ZNF487: variants seen among roughly 807,000 people sequenced by gnomAD.
ZNF487 encodes the protein KRAB domain only 1.
ZNF487 carries 4 observed loss-of-function variants against 3.0 expected under a neutral mutation model. That is an observed-to-expected ratio of 1.35 (90% confidence interval 0.66 to 3.08). The LOEUF (loss-of-function observed/expected upper bound fraction) is 3.08, where lower values mean the gene tolerates loss of function less well. Ranked by LOEUF, ZNF487 falls within the 30% of genes most tolerant of loss-of-function variation. The probability of loss-of-function intolerance (pLI) is 0.01; values close to 1 mark genes in which losing one functional copy is unlikely to be tolerated. For synonymous variants in ZNF487, 55 were observed against 34.6 expected, an observed-to-expected ratio of 1.59 and a Z score of -2.06; for missense variants, 146 against 98.7, an observed-to-expected ratio of 1.48 and a Z score of -2.03.
chr10:43,457,580 AAAG>A lies in ZNF487; in HGVS notation c.-93-18138_-93-18136del, dbSNP rs1404388369. Among the ~76,000 whole-genome samples the A allele has an allele frequency of 8.6e-5, 13 of 151,046 alleles. No individual in the cohort carries two copies. In the East Asian group the frequency reaches 2.4e-3, roughly 28 times the overall value. ...GGGGAAAAAAAAAAAAAAAAAAGAAAAAGAAAAGAATTCCTCATGAGATCGCTT... is the reference window on the plus strand; with the variant it reads ...GGGGAAAAAAAAAAAAAAAAAAGAAAAAAAGAATTCCTCATGAGATCGCTT... On this transcript the variant is annotated intron_variant, in intron 1 of 3. Transcript: ENST00000437590.
chr10:43,473,788 G>T (rs1840992357), intron 1 of ZNF487, among the ~76,000 whole-genome samples: 1 of 152,156 alleles, frequency 6.6e-6, no homozygotes, highest in South Asian at 2.1e-4. Context: ...ACTTTGGGAG[G>T]CTTGAGGTGG....
the ZNF487 span, among the ~76,000 whole-genome samples, chr10:43,509,066 C>T: frequency 7.0e-6 from 1 of 143,326 alleles, no homozygotes; most frequent in African/African-American, 2.6e-5. Flanking sequence ...TGGTGGTGCA[C>T]ACCTGTAATC....
intron 1 of ZNF487, among the ~76,000 whole-genome samples, chr10:43,471,282 G>C (rs1840900162): frequency 6.6e-6 from 1 of 152,092 alleles, no homozygotes; most frequent in African/African-American, 2.4e-5. Flanking sequence ...TCCGTGTCCA[G>C]AATGGCCAGC....
chr10:43,498,108 T>TTTTTC, the ZNF487 span, among the ~76,000 whole-genome samples: 3 of 9,748 alleles, frequency 3.1e-4, no homozygotes, highest in Non-Finnish European at 5.8e-4. Context: ...TATTTTTTTT[T>TTTTTC]TTTTTCTTTT....
intron 1 of ZNF487, among the ~76,000 whole-genome samples, chr10:43,455,936 C>T (rs2132074809): frequency 6.6e-6 from 1 of 152,362 alleles, no homozygotes; most frequent in East Asian, 1.9e-4. Flanking sequence ...AGCTGGACCT[C>T]GGGGTTCACC....
chr10:43,465,051 C>A (rs1274808190), intron 1 of ZNF487, among the ~76,000 whole-genome samples: 1 of 16,506 alleles, frequency 6.1e-5, no homozygotes, highest in African/African-American at 1.1e-4. Flanking sequence ...GGGGGGCTGA[C>A]CCCCCCCACC....
chr10:43,474,450 A>G (rs1449330475), intron 1 of ZNF487, among the ~76,000 whole-genome samples: 1 of 151,496 alleles, frequency 6.6e-6, no homozygotes, highest in Non-Finnish European at 1.5e-5. Flanking sequence ...CTGGAGCCCC[A>G]TGTACTTGGG....
At chr10:43,465,323 C>T (rs1031200159) in intron 1 of ZNF487, among the ~76,000 whole-genome samples, 3 of 151,252 alleles carry the variant, frequency 2.0e-5, no homozygotes, top group African/African-American at 2.4e-5. Flanking sequence ...GGGTGGCTGC[C>T]GGGCGGAGAC....
chr10:43,495,203 CTTTTTT>C, the ZNF487 span, among the ~76,000 whole-genome samples: 2 of 121,510 alleles, frequency 1.6e-5, no homozygotes, highest in Non-Finnish European at 3.5e-5. Context: ...TGTCCCCAGG[CTTTTTT>C]TTTTTTTTTT....
intron 1 of ZNF487, chr10:43,453,902 A>G (rs923117104): frequency 5.9e-5 from 9 of 152,178 alleles, no homozygotes; most frequent in African/African-American, 2.2e-4. Context: ...CCTGATGAGT[A>G]TAATGCTCTC....
chr10:43,459,108 C>T (rs1840324802), intron 1 of ZNF487, among the ~76,000 whole-genome samples: 1 of 152,120 alleles, frequency 6.6e-6, no homozygotes, highest in African/African-American at 2.4e-5. Flanking sequence ...AATGTCTTCT[C>T]AGTTGGTTTC....
chr10:43,498,960 T>C, the ZNF487 span, among the ~76,000 whole-genome samples: 83 of 149,962 alleles, frequency 5.5e-4, no homozygotes, highest in East Asian at 0.015. Context: ...AAAAAAAAGA[T>C]TGTAGGTAAA....
the ZNF487 span, among the ~76,000 whole-genome samples, chr10:43,498,424 G>C: frequency 4.7e-5 from 7 of 150,064 alleles, no homozygotes; most frequent in Non-Finnish European, 1.0e-4. Flanking sequence ...GATTATAGCT[G>C]TGTTGCCACC....
chr10:43,513,936 GCA>G, the ZNF487 span, among the ~76,000 whole-genome samples: 2 of 152,268 alleles, frequency 1.3e-5, no homozygotes, highest in East Asian at 3.9e-4. Flanking sequence ...TTTCCCCAGT[GCA>G]CAGTTACCCT....
chr10:43,477,892 G>A (rs1194584431), intron 3 of ZNF487, among the ~76,000 whole-genome samples: 1 of 151,774 alleles, frequency 6.6e-6, no homozygotes, highest in African/African-American at 2.4e-5. Context: ...AGACGTTGGA[G>A]TGAGCAGAGA....
the ZNF487 span, among the ~76,000 whole-genome samples, chr10:43,498,467 C>T: frequency 1.3e-5 from 2 of 150,112 alleles, no homozygotes; most frequent in South Asian, 2.1e-4. Flanking sequence ...TTAGTAGAGA[C>T]GGGGTTTCGC....
intron 1 of ZNF487, among the ~76,000 whole-genome samples, chr10:43,438,135 G>A (rs1839451425): frequency 6.6e-6 from 1 of 152,084 alleles, no homozygotes; most frequent in Non-Finnish European, 1.5e-5. Context: ...ATCATGGAGA[G>A]AACTTGAATT....
intron 1 of ZNF487, among the ~76,000 whole-genome samples, chr10:43,447,522 G>A (rs780299681): frequency 1.2e-4 from 18 of 152,168 alleles, no homozygotes; most frequent in African/African-American, 2.9e-4. Flanking sequence ...GATTACAGGC[G>A]TGAGCCACCA....
intron 1 of ZNF487, among the ~76,000 whole-genome samples, chr10:43,459,654 A>T (rs1026018884): frequency 7.9e-5 from 12 of 151,978 alleles, no homozygotes; most frequent in African/African-American, 2.4e-4. Context: ...CACTGCAGGT[A>T]ACTCTGACTT....
Sources: allele counts gnomAD v4.1 joint callset (sites outside exome capture counted in the v4.1 genomes callset), GRCh38; gene constraint gnomAD v4.1.1; transcripts MANE v1.5; gene names NCBI Gene and HGNC (gene_info 2026-07-23, HGNC 2026-07-21).